Variants in DTHD1 observed in about 807,000 individuals in gnomAD.
DTHD1 encodes death domain-containing protein 1.
Under a neutral mutation model 74.8 loss-of-function variants are expected in DTHD1, and 59 were observed. The observed-to-expected ratio is 0.79, with a 90% CI of 0.64 to 0.98. DTHD1 has a LOEUF of 0.98. DTHD1 is among the 50% of genes least tolerant of loss of function. The pLI, the probability that DTHD1 is intolerant of heterozygous loss-of-function variation, is 0.00. For synonymous variants in DTHD1, 365 were observed against 371.1 expected (o/e 0.98, Z 0.19); for missense variants, 1,051 against 1,065.4 (o/e 0.99, Z 0.19).
intron 8 of DTHD1, among the ~76,000 whole-genome samples, chr4:36,333,312 G>A (rs755519231): frequency 2.3e-4 from 35 of 151,892 alleles, no homozygotes; most frequent in Non-Finnish European, 4.6e-4. Context: ...GTTGAGCACC[G>A]AAGTTCCACT....
intron 8 of DTHD1, among the ~76,000 whole-genome samples, chr4:36,327,545 G>A (rs1354051724): frequency 6.6e-6 from 1 of 152,118 alleles, no homozygotes; most frequent in African/African-American, 2.4e-5. Context: ...AAAATTACTT[G>A]GAATACTGAG....
chr4:36,343,890 T>C lies in DTHD1; in HGVS notation c.*66T>C. ...CGGTGGGTTTTTGTTTCTGTCAACA[T>C]TTTCCTGGAAGTTTCCGAATGATAT... On this transcript the variant is annotated 3_prime_UTR_variant, in exon 10 of 10. Transcript: ENST00000639862. The C allele has an allele frequency of 7.2e-7, 1 of 1,396,018 alleles. No homozygotes were observed. Among genetic ancestry groups the C allele is most frequent in the Non-Finnish European group, 9.5e-7 (1 of 1,053,738 alleles). The allele number at this position is 1,396,018 out of a possible 1,614,324, so 86.5% of individuals were successfully genotyped here.
At chr4:36,282,124 T>C (rs1755437468) in intron 1 of DTHD1, 95 bp downstream of exon 1, 11 of 1,066,844 alleles carry the variant, frequency 1.0e-5, no homozygotes, top group Non-Finnish European at 1.4e-5. Context: ...TAGGCTAAGA[T>C]AGAGTTTCTG....
rs201784116 is a variant in DTHD1 at position 36,298,196 on chromosome 4, C to CT, written c.1643+3165dup. ...AGCTCTCTAGGAGGAATCAAGTGCT[C>CT]TTTTTTTTGTGTGTGTGCCAACCCC... is the stretch of plus-strand genomic sequence containing the variant. On this transcript the variant is annotated intron_variant, in intron 5 of 9. Transcript: ENST00000639862. 2.8e-3 allele frequency among the ~76,000 whole-genome samples: 424 copies of CT among 151,898 alleles called. 2 individuals carry two copies. The highest frequency in any genetic ancestry group is 3.6e-3 in the Non-Finnish European group (242 of 67,930).
intron 8 of DTHD1, among the ~76,000 whole-genome samples, chr4:36,338,822 T>C (rs1759154755): frequency 6.6e-6 from 1 of 152,136 alleles, no homozygotes; most frequent in Non-Finnish European, 1.5e-5. Context: ...TTTAACAGTT[T>C]TAAATTTTAG....
chr4:36,297,598 C>A (rs1756508825), intron 5 of DTHD1, among the ~76,000 whole-genome samples: 1 of 152,044 alleles, frequency 6.6e-6, no homozygotes, highest in Non-Finnish European at 1.5e-5. Flanking sequence ...CTACCAATAA[C>A]CAAATAACCA....
At chr4:36,316,664 C>T (rs1463269151) in intron 8 of DTHD1, among the ~76,000 whole-genome samples, 178 bp downstream of exon 8, 1 of 152,152 alleles carries the variant, frequency 6.6e-6, no homozygotes, top group African/African-American at 2.4e-5. Context: ...TAGGATTTCT[C>T]CTTTTGTTCA....
intron 7 of DTHD1, among the ~76,000 whole-genome samples, chr4:36,315,043 T>C (rs985083692): frequency 2.0e-5 from 3 of 152,180 alleles, no homozygotes; most frequent in Non-Finnish European, 2.9e-5. Context: ...ACACAAATCA[T>C]AGAGGCTGCA....
intron 2 of DTHD1, among the ~76,000 whole-genome samples, chr4:36,288,676 G>C (rs1181228483): frequency 6.6e-6 from 1 of 152,058 alleles, no homozygotes; most frequent in Non-Finnish European, 1.5e-5. Flanking sequence ...GTGTCTATTT[G>C]TATACCAGTG....
chr4:36,295,408 A>G (rs1223786100), intron 5 of DTHD1, among the ~76,000 whole-genome samples: 2 of 152,164 alleles, frequency 1.3e-5, no homozygotes, highest in East Asian at 3.8e-4. Flanking sequence ...GATGCTGACA[A>G]TTGAATCAGA....
At chr4:36,288,571 C>A (rs1755857530) in intron 2 of DTHD1, among the ~76,000 whole-genome samples, 1 of 152,162 alleles carries the variant, frequency 6.6e-6, no homozygotes, top group Non-Finnish European at 1.5e-5. Flanking sequence ...GGTGTCCTTT[C>A]CTCAGTTTAT....
chr4:36,346,269 T>C lies in DTHD1; in HGVS notation c.*2445T>C, dbSNP rs1759579570. On this transcript the variant is annotated 3_prime_UTR_variant, in exon 10 of 10. Coordinates refer to ENST00000639862, the MANE Select transcript of DTHD1 (RefSeq NM_001170700.3). ...CACACACACACACGACATCTCACTT[T>C]ACCGTTACCACTTCACCTGCACATA... Among the ~76,000 whole-genome samples, 1 of 151,668 alleles carries C rather than the reference T, an allele frequency of 6.6e-6. No individual in the cohort carries two copies. Among genetic ancestry groups the C allele is most frequent in the African/African-American group, 2.4e-5 (1 of 41,322 alleles).
rs1324303332 is a variant in DTHD1 at position 36,284,498 on chromosome 4, CAAT to C, written c.799_801del (p.Ile267del). On this transcript the variant is annotated inframe_deletion, in exon 2 of 10. Transcript: ENST00000639862. ...CCAAGAGAAGAGATGACCACATCCTCAATAATATGTGATATCTCCAAGAAATAT... is the reference window on the plus strand; with the variant it reads ...CCAAGAGAAGAGATGACCACATCCTCAATATGTGATATCTCCAAGAAATAT... 36 of 1,536,624 alleles carry C rather than the reference CAAT, an allele frequency of 2.3e-5. No homozygotes were observed. The highest frequency in any genetic ancestry group is 2.8e-5 in the Non-Finnish European group (32 of 1,146,618).
In DTHD1 at chr4:36,343,700, T is replaced by C; in HGVS notation, c.2597T>C (p.Leu866Pro). Residue 866 changes from leucine to proline, a missense_variant, in exon 10 of 10, where the codon CTT becomes CCT. Coordinates refer to ENST00000639862, the MANE Select transcript of DTHD1 (RefSeq NM_001170700.3). ...KKSLPTFTDK[L>P]RLLARHLRKI... ...TCGCTTCCAACTTTCACCGACAAAC[T>C]TCGCCTCCTGGCTCGACATCTCCGC... 2.6e-6 allele frequency: 4 copies of C among 1,551,698 alleles called. No homozygotes were observed. Among genetic ancestry groups the C allele is most frequent in the Non-Finnish European group, 2.6e-6 (3 of 1,146,938 alleles).
chr4:36,281,898 T>C lies in DTHD1; in HGVS notation c.140T>C (p.Val47Ala). 3 of 1,291,878 alleles carry C rather than the reference T, an allele frequency of 2.3e-6. No homozygotes were observed. The highest frequency in any genetic ancestry group is 1.5e-5 in the African/African-American group (1 of 66,098). 80.0% of individuals were successfully genotyped at this position (1,291,878 alleles called of 1,614,324 possible). The change falls in exon 1 of 10, where the codon GTG becomes GCG. Residue 47 changes from valine (V) to alanine (A), a missense_variant. Coordinates refer to ENST00000639862, the MANE Select transcript of DTHD1 (RefSeq NM_001170700.3). ...GGTGGGGCCACTTGGATGGCCACTG[T>C]GGTCTTTCTGGGTCAGGAACTCAGC... ...GAGGATWMATVVFLGQELSSA... is the reference protein window; with the variant it reads ...GAGGATWMATAVFLGQELSSA...
At chr4:36,295,157 C>A in intron 5 of DTHD1, 118 bp downstream of exon 5, 3 of 1,196,988 alleles carry the variant, frequency 2.5e-6, no homozygotes, top group Non-Finnish European at 3.3e-6. Flanking sequence ...TATGAAATAT[C>A]TTTAATCTAG....
chr4:36,282,380 T>A (rs1340900662), intron 1 of DTHD1, among the ~76,000 whole-genome samples: 3 of 152,166 alleles, frequency 2.0e-5, no homozygotes, highest in Non-Finnish European at 1.5e-5. Flanking sequence ...GTAATTTTAG[T>A]AGGATCCAAG....
chr4:36,287,646 CT>C (rs1755789805), intron 2 of DTHD1, among the ~76,000 whole-genome samples: 1 of 152,140 alleles, frequency 6.6e-6, no homozygotes. Context: ...ACACCAACAT[CT>C]TGTTTGTTTG....
At chr4:36,319,518 A>G (rs958708163) in intron 8 of DTHD1, among the ~76,000 whole-genome samples, 6 of 152,184 alleles carry the variant, frequency 3.9e-5, no homozygotes, top group African/African-American at 1.4e-4. Flanking sequence ...GCTTCCAGAA[A>G]GCCTCACGTT....
Sources: gnomAD v4.1 joint callset for allele counts (sites outside exome capture counted in the v4.1 genomes callset) on GRCh38, gnomAD v4.1.1 for gene constraint, MANE v1.5 for transcripts, NCBI Gene and HGNC (gene_info 2026-07-23, HGNC 2026-07-21) for gene names.